The following PPP2R2B variants were observed in gnomAD, a reference collection of about 807,000 sequenced individuals.
PPP2R2B encodes protein phosphatase 2 regulatory subunit Bbeta, also known as serine/threonine-protein phosphatase 2A 55 kDa regulatory subunit B beta isoform.
Under a neutral mutation model 46.0 loss-of-function variants are expected in PPP2R2B, and 5 were observed. The ratio of observed to expected loss-of-function variants is 0.11; its 90% confidence interval spans 0.06 to 0.23. The LOEUF is 0.23. Among genes scored for constraint, PPP2R2B ranks in the 10% least tolerant of loss-of-function variants. The pLI, the probability that PPP2R2B is intolerant of heterozygous loss-of-function variation, is 1.00. For synonymous variants in PPP2R2B, 215 were observed against 206.7 expected (o/e 1.04, Z -0.34); for missense variants, 367 against 575.0 (o/e 0.64, Z 3.70).
intron 1 of PPP2R2B, among the ~76,000 whole-genome samples, chr5:146,954,756 ATGTGTGTGTG>A (rs149370877): frequency 8.9e-5 from 13 of 146,640 alleles, no homozygotes; most frequent in African/African-American, 2.5e-4. Context: ...ATGTGTATAT[ATGTGTGTGTG>A]TGTGTGTGTG....
chr5:146,826,738 C>T (rs974418699), intron 2 of PPP2R2B, among the ~76,000 whole-genome samples: 1 of 152,104 alleles, frequency 6.6e-6, no homozygotes, highest in African/African-American at 2.4e-5. Context: ...TTTAAATCCT[C>T]CCCATTCTTA....
chr5:146,971,242 T>C (rs554210132), intron 1 of PPP2R2B, among the ~76,000 whole-genome samples: 1 of 152,256 alleles, frequency 6.6e-6, no homozygotes, highest in Admixed American at 6.5e-5. Flanking sequence ...CAGAGAAAGA[T>C]CTCTTTCCCT....
intron 1 of PPP2R2B, among the ~76,000 whole-genome samples, chr5:147,052,108 G>A (rs1756855400): frequency 6.6e-6 from 1 of 151,804 alleles, no homozygotes; most frequent in South Asian, 2.1e-4. Flanking sequence ...GCACTATTTG[G>A]TTGCCCTGGC....
intron 2 of PPP2R2B, among the ~76,000 whole-genome samples, chr5:146,753,135 A>C (rs1467855501): frequency 6.6e-6 from 1 of 152,220 alleles, no homozygotes; most frequent in African/African-American, 2.4e-5. Context: ...TAAGATGAGC[A>C]GCTGCTCCAT....
At chr5:146,926,306 CTG>C (rs1395175502) in intron 1 of PPP2R2B, among the ~76,000 whole-genome samples, 1 of 152,052 alleles carries the variant, frequency 6.6e-6, no homozygotes, top group Non-Finnish European at 1.5e-5. Context: ...TGGACTAAAT[CTG>C]TGAAATCTGT....
chr5:146,608,997 C>A (rs569866121), intron 7 of PPP2R2B, among the ~76,000 whole-genome samples: 1 of 152,214 alleles, frequency 6.6e-6, no homozygotes, highest in South Asian at 2.1e-4. Context: ...AAGCCAATAT[C>A]CCTGATGAAT....
At chr5:147,038,645 C>T (rs1406348342) in intron 1 of PPP2R2B, among the ~76,000 whole-genome samples, 2 of 152,180 alleles carry the variant, frequency 1.3e-5, no homozygotes, top group African/African-American at 2.4e-5. Flanking sequence ...ATTTTGGATA[C>T]TTTCCCTATG....
At chr5:146,756,311 G>C (rs1753827588) in intron 2 of PPP2R2B, among the ~76,000 whole-genome samples, 1 of 152,084 alleles carries the variant, frequency 6.6e-6, no homozygotes, top group South Asian at 2.1e-4. Context: ...TCTGATGAGG[G>C]GACAATGATT....
At chr5:146,724,644 T>C (rs1751736452) in intron 2 of PPP2R2B, among the ~76,000 whole-genome samples, 2 of 152,182 alleles carry the variant, frequency 1.3e-5, no homozygotes, top group Non-Finnish European at 2.9e-5. Context: ...GAATCTAATC[T>C]GTAACAAATT....
In PPP2R2B at chr5:146,808,994, T is replaced by TGCGC. The variant is rs1412776680; in HGVS notation, c.70+69004_70+69007dup. On this transcript the variant is annotated intron_variant, in intron 2 of 9. Transcript: ENST00000394411. ...GTGTGTGTGTGTGTGTGTGTGTGTG[T>TGCGC]GCGCGCGCACCCACTTCTCCAGTGA... 1.5e-4 allele frequency among the ~76,000 whole-genome samples: 20 copies of TGCGC among 134,492 alleles called. No individual in the cohort carries two copies. In the East Asian group the frequency reaches 2.5e-3, roughly 17 times the overall value. The allele number at this position is 134,492 out of a possible 152,430, so 88.2% of individuals were successfully genotyped here. A position where few individuals can be genotyped will look rare whatever the true frequency, so the allele number is the denominator to read the frequency against.
intron 1 of PPP2R2B, chr5:147,055,632 C>T: frequency 6.4e-7 from 1 of 1,573,168 alleles, no homozygotes; most frequent in Middle Eastern, 1.8e-4. Context: ...ACTTTTCCCA[C>T]CCACCCAGAC....
chr5:146,851,893 AGTT>A (rs376567992), intron 2 of PPP2R2B, among the ~76,000 whole-genome samples: 8 of 152,032 alleles, frequency 5.3e-5, no homozygotes, highest in Admixed American at 1.3e-4. Flanking sequence ...TCTGTGGAGA[AGTT>A]GTAAATTTTT....
chr5:146,943,579 C>T (rs904483938), intron 1 of PPP2R2B, among the ~76,000 whole-genome samples: 3 of 152,108 alleles, frequency 2.0e-5, no homozygotes, highest in Non-Finnish European at 4.4e-5. Context: ...CACATTTGGG[C>T]CTTTTGATTA....
intron 2 of PPP2R2B, among the ~76,000 whole-genome samples, chr5:146,785,843 A>G (rs1755803699): frequency 6.6e-6 from 1 of 152,166 alleles, no homozygotes; most frequent in Non-Finnish European, 1.5e-5. Flanking sequence ...TCATGGAGGT[A>G]GATAGTAGAG....
intron 2 of PPP2R2B, among the ~76,000 whole-genome samples, chr5:146,850,879 T>G (rs1037747807): frequency 1.3e-5 from 2 of 152,180 alleles, no homozygotes; most frequent in Non-Finnish European, 1.5e-5. Flanking sequence ...AGTAAATGTC[T>G]GAAAAATGAC....
At chr5:146,829,515 G>C (rs1426529599) in intron 2 of PPP2R2B, among the ~76,000 whole-genome samples, 1 of 152,182 alleles carries the variant, frequency 6.6e-6, no homozygotes, top group Non-Finnish European at 1.5e-5. Context: ...AAGGCAAGAG[G>C]CACAGATAAG....
At chr5:147,062,633 C>G (rs938139610) in intron 2 of PPP2R2B, among the ~76,000 whole-genome samples, 1 of 152,036 alleles carries the variant, frequency 6.6e-6, no homozygotes, top group African/African-American at 2.4e-5. Context: ...CCCATGCCAC[C>G]GTGCTCTCTG....
chr5:146,843,912 C>T (rs947577609), intron 2 of PPP2R2B, among the ~76,000 whole-genome samples: 16 of 151,764 alleles, frequency 1.1e-4, no homozygotes, highest in Non-Finnish European at 1.9e-4. Context: ...AATAAACATA[C>T]GTGTGCATGT....
At chr5:146,862,411 G>T (rs1761058635) in intron 2 of PPP2R2B, among the ~76,000 whole-genome samples, 1 of 152,226 alleles carries the variant, frequency 6.6e-6, no homozygotes, top group Non-Finnish European at 1.5e-5. Context: ...TGACGTGCAG[G>T]ATCTGTGTCT....
Sources: allele counts gnomAD v4.1 joint callset (sites outside exome capture counted in the v4.1 genomes callset), GRCh38; gene constraint gnomAD v4.1.1; transcripts MANE v1.5; gene names NCBI Gene and HGNC (gene_info 2026-07-23, HGNC 2026-07-21).